The following FBLIM1 variants were observed in gnomAD, a reference collection of about 807,000 sequenced individuals.
The protein encoded by FBLIM1 is filamin-binding LIM protein 1.
A neutral mutation model predicts 37.4 loss-of-function variants in FBLIM1; 29 were observed. That is an observed-to-expected ratio of 0.77 (90% CI 0.58 to 1.06). FBLIM1 has a LOEUF of 1.06. FBLIM1 is among the 50% of genes least tolerant of loss of function. The probability of loss-of-function intolerance (pLI) is 0.00; values close to 1 mark genes in which losing one functional copy is unlikely to be tolerated. For missense variants in FBLIM1, 449 were observed against 505.6 expected, an observed-to-expected ratio of 0.89 and a Z score of 1.07; for synonymous variants, 193 against 199.0, an observed-to-expected ratio of 0.97 and a Z score of 0.25.
At chr1:15,784,463 A>G in intron 8 of FBLIM1, 85 bp from the exon 9 acceptor site, 2 of 1,105,484 alleles carry the variant, frequency 1.8e-6, no homozygotes, top group Middle Eastern at 2.0e-4. Flanking sequence ...CAGTTGGTTT[A>G]TTCGGCAGAT....
At chr1:15,764,878 T>C (rs925571968) in intron 2 of FBLIM1, 86 bp from the exon 3 acceptor site, 130 of 1,463,746 alleles carry the variant, frequency 8.9e-5, no homozygotes, top group Non-Finnish European at 1.1e-4. Context: ...CCTGTCTTTT[T>C]GGGAGGAGGG....
rs746573877 is a variant in FBLIM1 at position 15,784,542 on chromosome 1, C to T, written c.1009-6C>T. On this transcript the variant is annotated splice_polypyrimidine_tract_variant and splice_region_variant and intron_variant, in intron 8 of 8. Coordinates refer to ENST00000375766, the MANE Select transcript of FBLIM1 (RefSeq NM_017556.4). ...GGCGGGTCAGCATGTGTCTTTGTCT[C>T]CCCAGGACTGCAGGATCCTCCTGTC... The T allele has an allele frequency of 4.5e-5, 72 of 1,612,840 alleles. 1 individual carries two copies. The South Asian group carries it at 7.6e-4, about 17-fold the overall frequency.
chr1:15,762,816 C>T (rs1288881780), intron 1 of FBLIM1, among the ~76,000 whole-genome samples: 1 of 152,210 alleles, frequency 6.6e-6, no homozygotes, highest in Non-Finnish European at 1.5e-5. Context: ...TCGCTTTCGT[C>T]CACCCTTGGC....
chr1:15,781,030 G>T (rs1442822604), intron 8 of FBLIM1, among the ~76,000 whole-genome samples: 5 of 152,082 alleles, frequency 3.3e-5, no homozygotes. Flanking sequence ...GGCCGAGGTG[G>T]TGTAGTAAGT....
At chr1:15,767,714 G>C (rs1430316121) in intron 4 of FBLIM1, 151 bp downstream of exon 4, 1 of 487,710 alleles carries the variant, frequency 2.1e-6, no homozygotes, top group Non-Finnish European at 3.6e-6. Context: ...GAAGCTCTCA[G>C]AAGTCCCTAT....
rs780640322 is a variant in FBLIM1, at chr1:15,770,461, G to A, written c.594G>A (p.Glu198=). ...TGTCCCCCCGAGAGCTGGCTGTGGAGGCCATGAAGAGGCAGTACCATGCCC... is the reference window on the plus strand; with the variant it reads ...TGTCCCCCCGAGAGCTGGCTGTGGAAGCCATGAAGAGGCAGTACCATGCCC... ...KTVSPRELAV[E]AMKRQYHAQC... is the part of the protein sequence containing the mutation. Residue 198 remains glutamate (E), a synonymous_variant, in exon 6 of 9, where the codon GAG becomes GAA. Transcript: ENST00000375766. 29 of 1,613,260 alleles carry A rather than the reference G, an allele frequency of 1.8e-5. No individual in the cohort carries two copies. The highest frequency in any genetic ancestry group is 1.1e-5 in the South Asian group (1 of 90,994).
chr1:15,761,551 G>A (rs1248048895), intron 1 of FBLIM1, among the ~76,000 whole-genome samples: 1 of 152,086 alleles, frequency 6.6e-6, no homozygotes, highest in East Asian at 1.9e-4. Flanking sequence ...GAACATTGTT[G>A]ACAAAAATAG....
At chr1:15,764,259 C>T (rs998523654) in intron 1 of FBLIM1, among the ~76,000 whole-genome samples, 16 of 152,184 alleles carry the variant, frequency 1.1e-4, no homozygotes, top group African/African-American at 3.6e-4. Context: ...CTCTGAGTCT[C>T]GATTTCTTGA....
chr1:15,776,948 TCTC>T (rs993051295), intron 7 of FBLIM1: 12 of 529,672 alleles, frequency 2.3e-5, no homozygotes, highest in African/African-American at 1.9e-4. Context: ...TGAACACAGT[TCTC>T]AATTCAGACA....
rs1466620971 is a variant in FBLIM1 at position 15,764,685 on chromosome 1, G to A, written c.-21G>A. 2.4e-6 allele frequency: 1 copy of A among 423,640 alleles called. No homozygotes were observed. The highest frequency in any genetic ancestry group is 4.2e-6 in the Non-Finnish European group (1 of 237,858). 26.2% of individuals were successfully genotyped at this position (423,640 alleles called of 1,614,324 possible). On this transcript the variant is annotated splice_region_variant and 5_prime_UTR_variant, in exon 2 of 9. Coordinates refer to ENST00000375766, the MANE Select transcript of FBLIM1 (RefSeq NM_017556.4). The stretch of plus-strand genomic sequence containing the variant: ...TGTGAGACAAGGAAGAGTGATCATT[G>A]GTGAGGGCTGCCCTTTGCTCCCCTA...
At chr1:15,762,653 G>A (rs1010210329) in intron 1 of FBLIM1, among the ~76,000 whole-genome samples, 1 of 152,238 alleles carries the variant, frequency 6.6e-6, no homozygotes. Context: ...ACCTCCCAAA[G>A]TGCTGTGATT....
At position 15,765,649 on chromosome 1, in the gene FBLIM1, T is replaced by A. The variant is rs1162749138; in HGVS notation, c.250+416T>A. On this transcript the variant is annotated intron_variant, in intron 3 of 8. Transcript: ENST00000375766. This position sits in a 1 kb window ranked among gnomAD's most constrained non-coding sequence, Gnocchi z 5.9. ...GACCAGCTTGGTCATGCGCCTGGTCTGACTGCAGGACACAAAGGCTGGCCC... is the reference window on the plus strand; with the variant it reads ...GACCAGCTTGGTCATGCGCCTGGTCAGACTGCAGGACACAAAGGCTGGCCC... Among the ~76,000 whole-genome samples, 6 of 152,104 alleles carry A rather than the reference T, an allele frequency of 3.9e-5. No individual in the cohort carries two copies. The highest frequency in any genetic ancestry group is 8.8e-5 in the Non-Finnish European group (6 of 68,016).
chr1:15,774,479 G>A (rs998298874), intron 6 of FBLIM1, 139 bp from the exon 7 acceptor site: 122 of 1,105,036 alleles, frequency 1.1e-4, no homozygotes, highest in Non-Finnish European at 1.3e-4. Flanking sequence ...GGTTTTGGGC[G>A]ATAGTTACAG....
chr1:15,768,750 A>G, intron 5 of FBLIM1, 120 bp downstream of exon 5: 1 of 575,176 alleles, frequency 1.7e-6, no homozygotes, highest in Non-Finnish European at 2.8e-6. Flanking sequence ...CATGTTAACA[A>G]TGATGGGCTT....
chr1:15,774,437 G>A (rs1459696164), intron 6 of FBLIM1, among the ~76,000 whole-genome samples, 181 bp from the exon 7 acceptor site: 1 of 152,252 alleles, frequency 6.6e-6, no homozygotes, highest in Non-Finnish European at 1.5e-5. Context: ...AGGATGCAAG[G>A]CTAAGCTCAA....
intron 8 of FBLIM1, among the ~76,000 whole-genome samples, chr1:15,777,864 C>T (rs958749329): frequency 2.6e-5 from 4 of 152,118 alleles, no homozygotes; most frequent in Admixed American, 1.3e-4. Context: ...TGAGCAACCA[C>T]GCCCAGCCTC....
chr1:15,781,892 G>A (rs1182383252), intron 8 of FBLIM1, among the ~76,000 whole-genome samples: 73 of 129,434 alleles, frequency 5.6e-4, no homozygotes, highest in African/African-American at 2.0e-3. Context: ...CTAATTTTTT[G>A]TATTTTTAGT....
intron 2 of FBLIM1, 124 bp downstream of exon 2, chr1:15,764,809 AC>A (rs1400439009): frequency 7.5e-6 from 7 of 932,232 alleles, no homozygotes; most frequent in Non-Finnish European, 9.7e-6. Flanking sequence ...GGACACCCCC[AC>A]CCCTTCTCTG....
upstream of FBLIM1, among the ~76,000 whole-genome samples, chr1:15,757,746 C>T (rs1424950409): frequency 6.6e-6 from 1 of 152,180 alleles, no homozygotes; most frequent in Non-Finnish European, 1.5e-5. The surrounding 1 kb of genome is among the most constrained non-coding windows in gnomAD (Gnocchi z 4.1). Flanking sequence ...ATCAAAAGAA[C>T]AATCTGTCTG....
Sources: allele counts gnomAD v4.1 joint callset (sites outside exome capture counted in the v4.1 genomes callset), GRCh38; gene constraint gnomAD v4.1.1; non-coding constraint Gnocchi (gnomAD v3.1); transcripts MANE v1.5; gene names NCBI Gene and HGNC (gene_info 2026-07-23, HGNC 2026-07-21).